ZNF804B: variants seen among roughly 807,000 people sequenced by gnomAD.
ZNF804B encodes the protein zinc finger 804B.
Under a neutral mutation model 101.4 loss-of-function variants are expected in ZNF804B, and 80 were observed. The ratio of observed to expected loss-of-function variants is 0.79; its 90% CI spans 0.66 to 0.95. The LOEUF is 0.95. Among genes scored for constraint, ZNF804B ranks in the 40% least tolerant of loss-of-function variants. The pLI is 0.00. For missense variants in ZNF804B, 1,673 were observed against 1,561.9 expected (o/e 1.07, Z -1.20); for synonymous variants, 622 against 558.8 (o/e 1.11, Z -1.59).
At position 88,760,032 on chromosome 7, in the gene ZNF804B, G is replaced by T. The variant is rs763500905; in HGVS notation, c.56G>T (p.Gly19Val). 2 of 1,614,206 alleles carry T rather than the reference G, an allele frequency of 1.2e-6. No individual in the cohort carries two copies. The highest frequency in any genetic ancestry group is 2.2e-5 in the South Asian group (2 of 91,082). The change falls in exon 1 of 4, where the codon GGC (glycine) becomes GTC (valine). Residue 19 changes from glycine (G) to valine (V), a missense_variant. Gly to Val is a moderately radical substitution (Grantham distance 109, BLOSUM62 -3). Coordinates refer to ENST00000333190, the MANE Select transcript of ZNF804B (RefSeq NM_181646.5). ...CATCTCAGCAATGGGCACTACCGGG[G>T]CATTAAAGGAGTCTTCAGGGGACCC... ...SRHLSNGHYR[G>V]IKGVFRGPLC... is the part of the protein sequence containing the mutation.
intron 1 of ZNF804B, among the ~76,000 whole-genome samples, chr7:88,849,157 C>A (rs1281774170): frequency 6.6e-6 from 1 of 151,938 alleles, no homozygotes. Context: ...ACACTTAGTC[C>A]TTTAGCCTTT....
intron 1 of ZNF804B, among the ~76,000 whole-genome samples, chr7:88,915,404 A>G (rs1195233350): frequency 6.6e-6 from 1 of 152,042 alleles, no homozygotes; most frequent in African/African-American, 2.4e-5. Context: ...AATATTACCA[A>G]TAGATTCTAT....
chr7:89,305,252 G>A lies in ZNF804B; in HGVS notation c.250-22092G>A, dbSNP rs113425754. Among the ~76,000 whole-genome samples, 534 of 151,970 alleles carry A rather than the reference G, an allele frequency of 3.5e-3. 5 individuals are homozygous for A. Among genetic ancestry groups the A allele is most frequent in the African/African-American group, 0.012 (510 of 41,462 alleles). On this transcript the variant is annotated intron_variant, in intron 2 of 3. Coordinates refer to ENST00000333190, the MANE Select transcript of ZNF804B (RefSeq NM_181646.5). ...ATTATTATTAAATATTTTGATACAC[G>A]TTAAGGAGAAACAGTGGCCACCAGT...
At chr7:89,257,844 T>C (rs1789656984) in intron 2 of ZNF804B, among the ~76,000 whole-genome samples, 1 of 152,142 alleles carries the variant, frequency 6.6e-6, no homozygotes, top group South Asian at 2.1e-4. Context: ...CTCCCACTTA[T>C]ATGTGAGAAC....
chr7:88,803,704 T>G (rs568397388), intron 1 of ZNF804B, among the ~76,000 whole-genome samples: 1 of 151,228 alleles, frequency 6.6e-6, no homozygotes, highest in African/African-American at 2.4e-5. Flanking sequence ...TTGTGTAGAT[T>G]ATCTTGAAGT....
intron 1 of ZNF804B, among the ~76,000 whole-genome samples, chr7:88,893,016 T>C (rs1239643019): frequency 6.6e-6 from 1 of 152,124 alleles, no homozygotes; most frequent in Admixed American, 6.6e-5. Context: ...GTGTGTTGCC[T>C]TTTGTGGGGG....
intron 1 of ZNF804B, among the ~76,000 whole-genome samples, chr7:88,764,768 A>C (rs1319902593): frequency 2.0e-5 from 3 of 152,146 alleles, no homozygotes; most frequent in Non-Finnish European, 4.4e-5. Context: ...ATTGCTCTTA[A>C]AGTGATGCAC....
chr7:88,769,065 T>A (rs1040194822), intron 1 of ZNF804B, among the ~76,000 whole-genome samples: 3 of 152,212 alleles, frequency 2.0e-5, no homozygotes, highest in Admixed American at 6.5e-5. Flanking sequence ...TGTGTTGATA[T>A]GTGTGCATGC....
chr7:89,122,391 T>C (rs1463094230), intron 1 of ZNF804B, among the ~76,000 whole-genome samples: 2 of 152,250 alleles, frequency 1.3e-5, no homozygotes, highest in African/African-American at 4.8e-5. Flanking sequence ...TTAGAATTTA[T>C]ATCGTCCAAA....
At chr7:88,793,207 C>A (rs2115687674) in intron 1 of ZNF804B, among the ~76,000 whole-genome samples, 1 of 152,030 alleles carries the variant, frequency 6.6e-6, no homozygotes, top group African/African-American at 2.4e-5. Flanking sequence ...AACTTTTAAA[C>A]AATGCAAAAA....
chr7:88,999,851 A>G (rs1433297917), intron 1 of ZNF804B, among the ~76,000 whole-genome samples: 1 of 151,960 alleles, frequency 6.6e-6, no homozygotes, highest in African/African-American at 2.4e-5. Context: ...CTTTAGCCAC[A>G]TATTAATATT....
intron 1 of ZNF804B, among the ~76,000 whole-genome samples, chr7:89,213,485 A>G (rs966875526): frequency 6.6e-6 from 1 of 152,248 alleles, no homozygotes; most frequent in South Asian, 2.1e-4. Context: ...TTTCTTTTCC[A>G]TAATCAGAGC....
At chr7:88,834,309 A>G (rs1583965536) in intron 1 of ZNF804B, among the ~76,000 whole-genome samples, 1 of 151,854 alleles carries the variant, frequency 6.6e-6, no homozygotes, top group Non-Finnish European at 1.5e-5. Flanking sequence ...TGTTACAGCT[A>G]TTATAACCAG....
chr7:88,835,756 C>T (rs1001985533), intron 1 of ZNF804B, among the ~76,000 whole-genome samples: 1 of 151,718 alleles, frequency 6.6e-6, no homozygotes, highest in Non-Finnish European at 1.5e-5. Context: ...TACATATATC[C>T]TTTTTCAGTG....
At position 88,971,026 on chromosome 7, in the gene ZNF804B, T is replaced by TA. The variant is rs570202524; in HGVS notation, c.108+210952dup. On this transcript the variant is annotated intron_variant, in intron 1 of 3. Coordinates refer to ENST00000333190, the MANE Select transcript of ZNF804B (RefSeq NM_181646.5). ...ATAAATAAAATAAAGAATAAAAAAA[T>TA]AAAAAAAAAACAGCCTTGCCTATTA... 1.8e-3 allele frequency among the ~76,000 whole-genome samples: 258 copies of TA among 145,742 alleles called. 2 individuals are homozygous for TA. The highest frequency in any genetic ancestry group is 0.014 in the Middle Eastern group (4 of 292).
intron 2 of ZNF804B, among the ~76,000 whole-genome samples, chr7:89,243,985 TATA>T: frequency 6.6e-6 from 1 of 152,002 alleles, no homozygotes; most frequent in Non-Finnish European, 1.5e-5. Flanking sequence ...ACACATCCAT[TATA>T]TAATAACATG....
chr7:89,196,195 A>G (rs1345331265), intron 1 of ZNF804B, among the ~76,000 whole-genome samples: 2 of 152,166 alleles, frequency 1.3e-5, no homozygotes, highest in African/African-American at 4.8e-5. Context: ...TGATACCAGT[A>G]TTAAAACAGA....
At chr7:89,051,066 G>A (rs1212775090) in intron 1 of ZNF804B, among the ~76,000 whole-genome samples, 1 of 151,762 alleles carries the variant, frequency 6.6e-6, no homozygotes, top group Admixed American at 6.6e-5. Flanking sequence ...GCTACACAAT[G>A]TTCCATAATA....
intron 2 of ZNF804B, among the ~76,000 whole-genome samples, chr7:89,284,722 A>C (rs1790155106): frequency 6.6e-6 from 1 of 152,276 alleles, no homozygotes; most frequent in East Asian, 1.9e-4. Context: ...AAAAAAATAA[A>C]GTTATTATAT....
Sources: gnomAD v4.1 joint callset for allele counts (sites outside exome capture counted in the v4.1 genomes callset) on GRCh38, gnomAD v4.1.1 for gene constraint, MANE v1.5 for transcripts, NCBI Gene and HGNC (gene_info 2026-07-23, HGNC 2026-07-21) for gene names.